The following LIMS2 variants were observed in gnomAD, a reference collection of about 807,000 sequenced individuals.
The protein encoded by LIMS2 is LIM zinc finger domain containing 2.
LIMS2 carries 30 observed loss-of-function variants against 45.3 expected under a neutral mutation model. That is an observed-to-expected ratio of 0.66 (90% CI 0.50 to 0.90). LIMS2 has a LOEUF of 0.90. LIMS2 is among the 40% of genes least tolerant of loss of function. The pLI, the probability that LIMS2 is intolerant of heterozygous loss-of-function variation, is 0.00. For synonymous variants in LIMS2, 173 were observed against 188.0 expected (o/e 0.92, Z 0.65); for missense variants, 485 against 468.7 (o/e 1.03, Z -0.32).
chr2:127,668,423 C>G (rs1200101238), intron 1 of LIMS2, among the ~76,000 whole-genome samples: 1 of 151,302 alleles, frequency 6.6e-6, no homozygotes, highest in African/African-American at 2.4e-5. Flanking sequence ...AATCCTAGCA[C>G]TTTGGGAGGC....
At chr2:127,654,983 G>C in intron 2 of LIMS2, 87 bp from the exon 3 acceptor site, 3 of 1,261,542 alleles carry the variant, frequency 2.4e-6, no homozygotes, top group Non-Finnish European at 3.4e-6. Flanking sequence ...GGACCTGACA[G>C]CAGGGGATGA....
In LIMS2 at chr2:127,642,236, G is replaced by A; in HGVS notation, c.510-37C>T. 2.7e-6 allele frequency: 4 copies of A among 1,477,338 alleles called. No homozygotes were observed. The highest frequency in any genetic ancestry group is 3.6e-6 in the Non-Finnish European group (4 of 1,107,594). The allele number at this position is 1,477,338 out of a possible 1,614,324, so 91.5% of individuals were successfully genotyped here. A position where few individuals can be genotyped will look rare whatever the true frequency, so the allele number is the denominator to read the frequency against. Reference sequence around the variant, plus strand: ...CGTGCAGCCCCCAGGTGCCACCCCTGCCCTTCTGCAGGGTCATGCCAGCAG... The same window carrying A: ...CGTGCAGCCCCCAGGTGCCACCCCTACCCTTCTGCAGGGTCATGCCAGCAG... On this transcript the variant is annotated intron_variant, in intron 5 of 9. Coordinates refer to ENST00000355119, the MANE Select transcript of LIMS2 (RefSeq NM_001161403.3). The surrounding 1 kb of genome is among the most constrained non-coding windows in gnomAD (Gnocchi z 5.3).
rs555422168 is a variant in LIMS2 at position 127,647,450 on chromosome 2, A to G, written c.360-4378T>C. On this transcript the variant is annotated intron_variant, in intron 4 of 9. Coordinates refer to ENST00000355119, the MANE Select transcript of LIMS2 (RefSeq NM_001161403.3). The surrounding 1 kb of genome is among the most constrained non-coding windows in gnomAD (Gnocchi z 4.3). The stretch of plus-strand genomic sequence containing the variant: ...CCCTAACCTGCAACATGGGGCTAAA[A>G]CTGGTTTGAGCCAGCACAGGCAGGC... Among the ~76,000 whole-genome samples the G allele has an allele frequency of 6.6e-6, 1 of 152,202 alleles. No homozygotes were observed. The highest frequency in any genetic ancestry group is 2.1e-4 in the South Asian group (1 of 4,820).
chr2:127,643,037 G>C lies in LIMS2; in HGVS notation c.395C>G (p.Ala132Gly), dbSNP rs1178024667. ...LCRPCHNREK[A>G]KGLGKYICQR... ...GCAGATGTACTTGCCCAGGCCCTTG[G>C]CCTTCTCACGGTTGTGGCAAGGCCG... Residue 132 changes from alanine to glycine, a missense_variant, in exon 5 of 10, where the codon GCC becomes GGC. By Grantham distance (60) the Ala-to-Gly change is moderately conservative. Coordinates refer to ENST00000355119, the MANE Select transcript of LIMS2 (RefSeq NM_001161403.3). 1 of 1,585,546 alleles carries C rather than the reference G, an allele frequency of 6.3e-7. No individual in the cohort carries two copies. The highest frequency in any genetic ancestry group is 8.6e-7 in the Non-Finnish European group (1 of 1,166,498).
At chr2:127,654,947 G>A in intron 2 of LIMS2, 51 bp from the exon 3 acceptor site, 1 of 1,537,226 alleles carries the variant, frequency 6.5e-7, no homozygotes, top group Non-Finnish European at 9.0e-7. Flanking sequence ...TCATCCCCAT[G>A]AGCAGCCCAG....
chr2:127,650,118 C>G, intron 4 of LIMS2: 3 of 1,548,538 alleles, frequency 1.9e-6, no homozygotes, highest in Non-Finnish European at 2.6e-6. Flanking sequence ...GGGTACAGCC[C>G]TTGCTGCCAT....
intron 1 of LIMS2, chr2:127,673,979 G>T (rs1685396154): frequency 1.9e-6 from 1 of 529,044 alleles, no homozygotes; most frequent in African/African-American, 1.9e-5. Flanking sequence ...AGAAAGGGAA[G>T]TGTGTCTGGA....
intron 1 of LIMS2, among the ~76,000 whole-genome samples, chr2:127,669,441 C>T (rs191799530): frequency 0.01 from 1,558 of 152,152 alleles, 15 homozygotes; most frequent in Non-Finnish European, 0.017. Context: ...CGGCTGGGCA[C>T]GGTGGCTCGT....
rs1322361507 is a variant in LIMS2, at chr2:127,654,602, C to A, written c.239-58G>T. 3.1e-6 allele frequency: 5 copies of A among 1,607,908 alleles called. No homozygotes were observed. The African/African-American group carries it at 5.3e-5, about 17-fold the overall frequency. On this transcript the variant is annotated intron_variant, in intron 3 of 9. Coordinates refer to ENST00000355119, the MANE Select transcript of LIMS2 (RefSeq NM_001161403.3). ...GCACGTGCCTGTCCCCTCTTCGGAC[C>A]CTCCCAAGCCCTGTCCACCTAGCAC...
rs1157810116 is a variant in LIMS2 at position 127,675,129 on chromosome 2, A to G, written c.-105T>C. The G allele has an allele frequency of 8.5e-6, 8 of 945,280 alleles. No homozygotes were observed. Among genetic ancestry groups the G allele is most frequent in the African/African-American group, 3.7e-5 (2 of 54,734 alleles). The allele number at this position is 945,280 out of a possible 1,614,324, so 58.6% of individuals were successfully genotyped here. Reference sequence around the variant, plus strand: ...CGCCCGCCAGCCCGGGCCGCGGAGCAGGGAGACGCCCAAAAAAGGCCAAGA... The same window carrying G: ...CGCCCGCCAGCCCGGGCCGCGGAGCGGGGAGACGCCCAAAAAAGGCCAAGA... On this transcript the variant is annotated 5_prime_UTR_variant, in exon 1 of 10. Transcript: ENST00000355119.
At chr2:127,660,763 A>G (rs1342038226) in intron 1 of LIMS2, among the ~76,000 whole-genome samples, 1 of 152,238 alleles carries the variant, frequency 6.6e-6, no homozygotes, top group Non-Finnish European at 1.5e-5. Flanking sequence ...GGTCAACCTG[A>G]CAGCAGCCTG....
At position 127,642,602 on chromosome 2, in the gene LIMS2, G is replaced by C. The variant is rs1031021771; in HGVS notation, c.509+321C>G. On this transcript the variant is annotated intron_variant, in intron 5 of 9. Coordinates refer to ENST00000355119, the MANE Select transcript of LIMS2 (RefSeq NM_001161403.3). The surrounding 1 kb of genome is among the most constrained non-coding windows in gnomAD (Gnocchi z 5.3). ...CAACACCAGCACCAAGCCCACTCCC[G>C]GTCTCTTGCCCTGCCCCCTCAGGTC... 3 of 397,522 alleles carry C rather than the reference G, an allele frequency of 7.5e-6. No individual in the cohort carries two copies. In the East Asian group the frequency reaches 1.4e-4, roughly 18 times the overall value. The allele number at this position is 397,522 out of a possible 1,614,324, so 24.6% of individuals were successfully genotyped here. A position where few individuals can be genotyped will look rare whatever the true frequency, so the allele number is the denominator to read the frequency against.
rs541529064 is a variant in LIMS2 at position 127,641,558 on chromosome 2, C to T, written c.660+491G>A. ...CCCAAGGCACAGCTTCCGGACACAG[C>T]GCTGGCCAGGTCATCAGGGGAGGTG... On this transcript the variant is annotated intron_variant, in intron 6 of 9. Coordinates refer to ENST00000355119, the MANE Select transcript of LIMS2 (RefSeq NM_001161403.3). 11 of 161,642 alleles carry T rather than the reference C, an allele frequency of 6.8e-5. No homozygotes were observed. In the South Asian group the frequency reaches 1.1e-3, roughly 16 times the overall value. 10.0% of individuals were successfully genotyped at this position (161,642 alleles called of 1,614,324 possible). A position where few individuals can be genotyped will look rare whatever the true frequency, so the allele number is the denominator to read the frequency against.
intron 1 of LIMS2, 166 bp downstream of exon 1, chr2:127,674,848 C>A: frequency 2.0e-6 from 2 of 985,346 alleles, no homozygotes; most frequent in Non-Finnish European, 2.4e-6. Flanking sequence ...GGCTGGGGGA[C>A]CCCTGCCCCG....
chr2:127,662,014 TGGG>T (rs1420244717), intron 1 of LIMS2, among the ~76,000 whole-genome samples: 1 of 152,052 alleles, frequency 6.6e-6, no homozygotes, highest in Non-Finnish European at 1.5e-5. Context: ...TGGGAAGAGT[TGGG>T]GGCCAGCCAC....
intron 1 of LIMS2, among the ~76,000 whole-genome samples, chr2:127,668,359 T>G (rs1489720206): frequency 6.6e-6 from 1 of 151,558 alleles, no homozygotes; most frequent in Non-Finnish European, 1.5e-5. Flanking sequence ...CACAGAATAA[T>G]CAAAACAACT....
In LIMS2 at chr2:127,647,173, C is replaced by A. The variant is rs1183993163; in HGVS notation, c.360-4101G>T. 1.3e-5 allele frequency among the ~76,000 whole-genome samples: 2 copies of A among 152,222 alleles called. No homozygotes were observed. Among genetic ancestry groups the A allele is most frequent in the Non-Finnish European group, 2.9e-5 (2 of 68,028 alleles). On this transcript the variant is annotated intron_variant, in intron 4 of 9. Coordinates refer to ENST00000355119, the MANE Select transcript of LIMS2 (RefSeq NM_001161403.3). The surrounding 1 kb of genome is among the most constrained non-coding windows in gnomAD (Gnocchi z 4.3). ...CTGCCGTCACTGTCCTGAAACTCTTCCTTTTTGAGCAAGGGGCTGCACATT... is the reference window on the plus strand; with the variant it reads ...CTGCCGTCACTGTCCTGAAACTCTTACTTTTTGAGCAAGGGGCTGCACATT...
Position 127,675,468 on chromosome 2 carries a change from G to C in LIMS2, c.-444C>G, listed in dbSNP as rs1685472740. ...CGCACAGCCCCAGCTCCAGGGACAC[G>C]GAGCGCGGCCAGCGGCGGGCGCGGG... On this transcript the variant is annotated 5_prime_UTR_variant, in exon 1 of 10. Transcript: ENST00000355119. Among the ~76,000 whole-genome samples, 1 of 152,018 alleles carries C rather than the reference G, an allele frequency of 6.6e-6. No individual in the cohort carries two copies. Among genetic ancestry groups the C allele is most frequent in the South Asian group, 2.1e-4 (1 of 4,824 alleles).
intron 7 of LIMS2, chr2:127,640,670 G>A (rs954928326): frequency 3.8e-5 from 23 of 598,180 alleles, no homozygotes; most frequent in African/African-American, 3.5e-4. Flanking sequence ...CCATGTGCCC[G>A]GGACCTCACA....
Sources: allele counts gnomAD v4.1 joint callset (sites outside exome capture counted in the v4.1 genomes callset), GRCh38; gene constraint gnomAD v4.1.1; non-coding constraint Gnocchi (gnomAD v3.1); transcripts MANE v1.5; gene names NCBI Gene and HGNC (gene_info 2026-07-23, HGNC 2026-07-21).